The following RAB6A variants were observed in gnomAD, a reference collection of about 807,000 sequenced individuals.
The protein encoded by RAB6A is RAB6A, member RAS oncogene family.
RAB6A carries 8 observed loss-of-function variants against 32.3 expected under a neutral mutation model. That is an observed-to-expected ratio of 0.25 (90% CI 0.15 to 0.45). The LOEUF is 0.45. Among genes scored for constraint, RAB6A ranks in the 20% least tolerant of loss-of-function variants. RAB6A has a pLI of 1.00. For synonymous variants in RAB6A, 73 were observed against 82.1 expected, an observed-to-expected ratio of 0.89 and a Z score of 0.60; for missense variants, 104 against 249.4, an observed-to-expected ratio of 0.42 and a Z score of 3.93.
chr11:73,679,925 T>C (rs1945328151), intron 6 of RAB6A, among the ~76,000 whole-genome samples: 2 of 151,584 alleles, frequency 1.3e-5, no homozygotes, highest in Non-Finnish European at 2.9e-5. Context: ...TGAAACTCTG[T>C]CTCTACAAAA....
At chr11:73,705,955 T>C (rs1015973258) in intron 6 of RAB6A, among the ~76,000 whole-genome samples, 7 of 151,414 alleles carry the variant, frequency 4.6e-5, no homozygotes, top group African/African-American at 1.7e-4. Flanking sequence ...CTGAAACTTA[T>C]AAGGAGTACA....
chr11:73,732,366 C>A (rs970303266), intron 1 of RAB6A, among the ~76,000 whole-genome samples: 1 of 152,020 alleles, frequency 6.6e-6, no homozygotes, highest in African/African-American at 2.4e-5. Flanking sequence ...GCGGGCGGAT[C>A]ACGAGGTCAG....
intron 1 of RAB6A, among the ~76,000 whole-genome samples, chr11:73,748,018 G>A (rs1946618686): frequency 6.6e-6 from 1 of 152,072 alleles, no homozygotes; most frequent in African/African-American, 2.4e-5. Context: ...ATAACTATTG[G>A]GGAAGATACT....
chr11:73,717,581 A>C (rs1358984530), intron 4 of RAB6A, among the ~76,000 whole-genome samples: 2 of 152,150 alleles, frequency 1.3e-5, no homozygotes, highest in African/African-American at 2.4e-5. Context: ...AGTAGCTGGG[A>C]TTACAGGCAT....
chr11:73,722,835 C>CTCGCTCAG (rs1946162547), intron 2 of RAB6A: 1 of 152,304 alleles, frequency 6.6e-6, no homozygotes, highest in African/African-American at 2.4e-5. Flanking sequence ...GAGACAGAGT[C>CTCGCTCAG]TCGCTCAGTC....
intron 7 of RAB6A, 44 bp from the exon 8 acceptor site, chr11:73,678,006 C>T (rs1464100306): frequency 3.1e-6 from 5 of 1,588,862 alleles, no homozygotes; most frequent in Non-Finnish European, 4.3e-6. Context: ...AGTACAATTT[C>T]AATTCTTCCA....
intron 1 of RAB6A, among the ~76,000 whole-genome samples, chr11:73,755,944 GAAC>G (rs777910725): frequency 4.0e-5 from 6 of 151,740 alleles, no homozygotes; most frequent in Admixed American, 3.3e-4. Context: ...GGAGGAAGAA[GAAC>G]AACAATAACA....
intron 1 of RAB6A, chr11:73,760,075 C>A: frequency 7.8e-7 from 1 of 1,290,054 alleles, no homozygotes; most frequent in Non-Finnish European, 1.0e-6. Flanking sequence ...CTTCGCAGGG[C>A]CAAGCCTCTG....
rs1201672369 is a variant in RAB6A at position 73,677,038 on chromosome 11, T to C, written c.*860A>G. 2 of 166,852 alleles carry C rather than the reference T, an allele frequency of 1.2e-5. No individual in the cohort carries two copies. The highest frequency in any genetic ancestry group is 2.9e-5 in the Non-Finnish European group (2 of 68,122). The allele number at this position is 166,852 out of a possible 1,614,324, so 10.3% of individuals were successfully genotyped here. On this transcript the variant is annotated 3_prime_UTR_variant, in exon 8 of 8. Transcript: ENST00000336083. ...AATAACTCTTGACAATTTTAAAACC[T>C]TGGGAGAAACAGTTCATTAGAACTT...
At chr11:73,742,458 A>G (rs935248769) in intron 1 of RAB6A, among the ~76,000 whole-genome samples, 1 of 152,162 alleles carries the variant, frequency 6.6e-6, no homozygotes, top group Non-Finnish European at 1.5e-5. Context: ...GTTTAACTAC[A>G]TAAAAGCTGC....
At chr11:73,680,585 G>A (rs1295500102) in intron 6 of RAB6A, among the ~76,000 whole-genome samples, 1 of 152,102 alleles carries the variant, frequency 6.6e-6, no homozygotes, top group Non-Finnish European at 1.5e-5. Context: ...CTGGGAGGCG[G>A]AGGTTGCAGT....
intron 1 of RAB6A, among the ~76,000 whole-genome samples, chr11:73,753,184 T>C (rs1211495113): frequency 1.2e-4 from 18 of 152,064 alleles, no homozygotes; most frequent in Admixed American, 1.2e-3. Context: ...CAGGAGCTCG[T>C]GGCTGCAGTG....
At chr11:73,716,646 AC>A (rs2134942432) in intron 4 of RAB6A, among the ~76,000 whole-genome samples, 1 of 152,284 alleles carries the variant, frequency 6.6e-6, no homozygotes, top group Admixed American at 6.5e-5. Flanking sequence ...AAAAAAAACA[AC>A]TTTTTGAAAT....
chr11:73,748,605 T>C (rs1946628575), intron 1 of RAB6A, among the ~76,000 whole-genome samples: 3 of 152,178 alleles, frequency 2.0e-5, no homozygotes, highest in South Asian at 4.1e-4. Flanking sequence ...AGTTAATAAT[T>C]ATTAAAGCTA....
At chr11:73,742,392 C>T (rs1946511446) in intron 1 of RAB6A, among the ~76,000 whole-genome samples, 1 of 152,216 alleles carries the variant, frequency 6.6e-6, no homozygotes, top group Admixed American at 6.5e-5. Context: ...CTCGCCTAAG[C>T]TTCCCAAAGT....
At position 73,688,672 on chromosome 11, in the gene RAB6A, A is replaced by G. The variant is rs76052681; in HGVS notation, c.496-8952T>C. Among the ~76,000 whole-genome samples the G allele has an allele frequency of 5.3e-3, 813 of 152,308 alleles. 7 individuals carry two copies. The highest frequency in any genetic ancestry group is 0.018 in the African/African-American group (741 of 41,574). The stretch of plus-strand genomic sequence containing the variant: ...GGAAATCAAAATATCTTACCCCCAA[A>G]TAACATTCTTTTTGCCATAAATAGC... On this transcript the variant is annotated intron_variant, in intron 6 of 7. Transcript: ENST00000336083.
intron 1 of RAB6A, among the ~76,000 whole-genome samples, chr11:73,744,474 G>A (rs1325902982): frequency 2.9e-5 from 4 of 135,594 alleles, no homozygotes; most frequent in East Asian, 2.2e-4. Flanking sequence ...TGACACCACT[G>A]CACTCCAGCC....
At chr11:73,734,633 C>G (rs941263221) in intron 1 of RAB6A, among the ~76,000 whole-genome samples, 1 of 152,150 alleles carries the variant, frequency 6.6e-6, no homozygotes, top group African/African-American at 2.4e-5. Flanking sequence ...TCATAAGGAG[C>G]ATGCAACCTA....
At chr11:73,688,671 A>C (rs550657095) in intron 6 of RAB6A, among the ~76,000 whole-genome samples, 1 of 152,298 alleles carries the variant, frequency 6.6e-6, no homozygotes, top group East Asian at 1.9e-4. Flanking sequence ...CTTACCCCCA[A>C]ATAACATTCT....
Sources: allele counts gnomAD v4.1 joint callset (sites outside exome capture counted in the v4.1 genomes callset), GRCh38; gene constraint gnomAD v4.1.1; transcripts MANE v1.5; gene names NCBI Gene and HGNC (gene_info 2026-07-23, HGNC 2026-07-21).